The following NELL1 variants were observed in gnomAD, a reference collection of about 807,000 sequenced individuals.
The protein encoded by NELL1 is protein kinase C-binding protein NELL1.
A neutral mutation model predicts 107.4 loss-of-function variants in NELL1; 76 were observed. That is an observed-to-expected ratio of 0.71 (90% confidence interval 0.59 to 0.86). The LOEUF is 0.86. NELL1 is among the 40% of genes least tolerant of loss of function. NELL1 has a pLI of 0.00. For missense variants in NELL1, 1,024 were observed against 1,005.5 expected (o/e 1.02, Z -0.25); for synonymous variants, 353 against 341.2 (o/e 1.03, Z -0.38).
At chr11:21,487,916 A>G (rs1014555104) in intron 15 of NELL1, among the ~76,000 whole-genome samples, 1 of 152,188 alleles carries the variant, frequency 6.6e-6, no homozygotes, top group African/African-American at 2.4e-5. Context: ...TACATCAAAA[A>G]CAATGTAAAA....
chr11:21,363,873 G>C (rs924013267), intron 14 of NELL1, among the ~76,000 whole-genome samples: 11 of 151,966 alleles, frequency 7.2e-5, no homozygotes, highest in Admixed American at 7.2e-4. Context: ...CATATACACT[G>C]GCCAAAAATG....
intron 14 of NELL1, among the ~76,000 whole-genome samples, chr11:21,277,599 T>A (rs1047537102): frequency 6.6e-6 from 1 of 152,296 alleles, no homozygotes; most frequent in African/African-American, 2.4e-5. Flanking sequence ...CACATGCACA[T>A]GTATGTTTAT....
At chr11:20,696,328 A>T (rs777549388) in intron 2 of NELL1, among the ~76,000 whole-genome samples, 16 of 151,494 alleles carry the variant, frequency 1.1e-4, no homozygotes, top group Non-Finnish European at 1.8e-4. Context: ...CTTTGGGGTT[A>T]GTTTTTTCTT....
chr11:20,723,268 A>G (rs907309878), intron 2 of NELL1, among the ~76,000 whole-genome samples: 3 of 152,296 alleles, frequency 2.0e-5, no homozygotes, highest in Non-Finnish European at 4.4e-5. Flanking sequence ...TCTAAGTCCA[A>G]AGTATCATCT....
At chr11:21,280,207 G>A (rs1848962343) in intron 14 of NELL1, among the ~76,000 whole-genome samples, 1 of 152,114 alleles carries the variant, frequency 6.6e-6, no homozygotes, top group Admixed American at 6.5e-5. Flanking sequence ...GTAAACTATG[G>A]ACTTTGGTTG....
chr11:20,991,775 C>T (rs1403177636), intron 12 of NELL1, among the ~76,000 whole-genome samples: 1 of 152,164 alleles, frequency 6.6e-6, no homozygotes, highest in Non-Finnish European at 1.5e-5. Flanking sequence ...CTAGTCCACA[C>T]TGACTTTCCA....
intron 15 of NELL1, among the ~76,000 whole-genome samples, chr11:21,510,248 A>G (rs867438391): frequency 2.0e-5 from 3 of 152,348 alleles, no homozygotes; most frequent in Middle Eastern, 6.8e-3. Context: ...ATGAATGTGC[A>G]TAGAGGCAGA....
chr11:20,827,365 G>A (rs921616772), intron 3 of NELL1, among the ~76,000 whole-genome samples: 1 of 151,274 alleles, frequency 6.6e-6, no homozygotes, highest in Admixed American at 6.6e-5. Flanking sequence ...GATTTTCAAG[G>A]CTTATAATTA....
chr11:21,278,367 A>G (rs1848917865), intron 14 of NELL1, among the ~76,000 whole-genome samples: 1 of 152,170 alleles, frequency 6.6e-6, no homozygotes, highest in Non-Finnish European at 1.5e-5. Context: ...TTTACATACC[A>G]TGATTATCTA....
rs1032319512 is a variant in NELL1 at position 21,186,318 on chromosome 11, A to G, written c.1427-43014A>G. On this transcript the variant is annotated intron_variant, in intron 13 of 19. Coordinates refer to ENST00000357134, the MANE Select transcript of NELL1 (RefSeq NM_006157.5). ...CCTGTAAGGGACCTTGACACCTGTT[A>G]GAAGAGGAAATGGATGCTGGATGGC... is the stretch of plus-strand genomic sequence containing the variant. Among the ~76,000 whole-genome samples the G allele has an allele frequency of 2.6e-5, 4 of 151,864 alleles. No homozygotes were observed. In the South Asian group the frequency reaches 6.2e-4, roughly 24 times the overall value.
intron 4 of NELL1, among the ~76,000 whole-genome samples, chr11:20,853,835 T>G (rs1333955527): frequency 6.6e-6 from 1 of 152,190 alleles, no homozygotes; most frequent in Admixed American, 6.5e-5. Flanking sequence ...TGGTCTGTAG[T>G]GCAGCACAGT....
At position 21,491,990 on chromosome 11, in the gene NELL1, A is replaced by G. The variant is rs142721250; in HGVS notation, c.1646-42384A>G. On this transcript the variant is annotated intron_variant, in intron 15 of 19. Coordinates refer to ENST00000357134, the MANE Select transcript of NELL1 (RefSeq NM_006157.5). ...GAATGGGAGTTCACTTTCGCAACCT[A>G]CTCATCTGACAAAGGGCTAATATCC... Among the ~76,000 whole-genome samples, 435 of 152,208 alleles carry G rather than the reference A, an allele frequency of 2.9e-3. 7 individuals are homozygous for G. In the East Asian group the frequency reaches 0.037, roughly 13 times the overall value.
chr11:21,291,127 C>T (rs1439911089), intron 14 of NELL1, among the ~76,000 whole-genome samples: 1 of 152,076 alleles, frequency 6.6e-6, no homozygotes, highest in African/African-American at 2.4e-5. Flanking sequence ...ACCAGAATAA[C>T]CAGTTCAGAG....
chr11:21,555,383 G>T (rs977051074), intron 16 of NELL1, among the ~76,000 whole-genome samples: 1 of 151,914 alleles, frequency 6.6e-6, no homozygotes, highest in African/African-American at 2.4e-5. Flanking sequence ...CCTTCGAGAA[G>T]AGGGTCCCAC....
intron 12 of NELL1, among the ~76,000 whole-genome samples, chr11:20,999,006 T>A (rs532949282): frequency 6.6e-6 from 1 of 152,180 alleles, no homozygotes; most frequent in South Asian, 2.1e-4. Flanking sequence ...TAAATGAGAG[T>A]TCTATCACAC....
At chr11:21,280,614 T>TAACACCAGCCCACGGAGGGAGTATTTA (rs1565145700) in intron 14 of NELL1, among the ~76,000 whole-genome samples, 1 of 152,076 alleles carries the variant, frequency 6.6e-6, no homozygotes, top group Non-Finnish European at 1.5e-5. Context: ...TGAACTTTAG[T>TAACACCAGCCCACGGAGGGAGTATTTA]AACACCAGCC....
chr11:21,465,819 C>T (rs1564908054), intron 15 of NELL1, among the ~76,000 whole-genome samples: 1 of 152,068 alleles, frequency 6.6e-6, no homozygotes, highest in Non-Finnish European at 1.5e-5. Flanking sequence ...CCATCTCCTG[C>T]TGATGCTTTA....
intron 15 of NELL1, among the ~76,000 whole-genome samples, chr11:21,468,384 C>T (rs939143037): frequency 5.9e-5 from 9 of 151,914 alleles, no homozygotes; most frequent in South Asian, 2.1e-4. Flanking sequence ...GTTTCTTGTG[C>T]GATTGTTTTC....
chr11:21,262,341 C>G (rs959378608), intron 14 of NELL1, among the ~76,000 whole-genome samples: 3 of 151,748 alleles, frequency 2.0e-5, no homozygotes, highest in African/African-American at 7.3e-5. Context: ...TTCCTATGTA[C>G]TGTGCTTACT....
Sources: gnomAD v4.1 joint callset for allele counts (sites outside exome capture counted in the v4.1 genomes callset) on GRCh38, gnomAD v4.1.1 for gene constraint, MANE v1.5 for transcripts, NCBI Gene and HGNC (gene_info 2026-07-23, HGNC 2026-07-21) for gene names.